The following CDKAL1 variants were observed in gnomAD, a reference collection of about 807,000 sequenced individuals.
The protein encoded by CDKAL1 is CDKAL1 threonylcarbamoyladenosine tRNA methylthiotransferase.
Under a neutral mutation model 68.2 loss-of-function variants are expected in CDKAL1, and 32 were observed. The observed-to-expected ratio is 0.47, with a 90% confidence interval of 0.35 to 0.63. The LOEUF (loss-of-function observed/expected upper bound fraction) is 0.63. CDKAL1 is among the 30% of genes least tolerant of loss of function. The probability of loss-of-function intolerance (pLI) is 0.00; values close to 1 mark genes in which losing one functional copy is unlikely to be tolerated. For synonymous variants in CDKAL1, 234 were observed against 244.3 expected, an observed-to-expected ratio of 0.96 and a Z score of 0.39; for missense variants, 606 against 696.7, an observed-to-expected ratio of 0.87 and a Z score of 1.47.
rs971370123 is a variant in CDKAL1 at position 20,643,058 on chromosome 6, T to C, written c.287-6235T>C. Among the ~76,000 whole-genome samples, 16 of 152,344 alleles carry C rather than the reference T, an allele frequency of 1.1e-4. 2 individuals carry two copies. Among genetic ancestry groups the C allele is most frequent in the Admixed American group, 2.6e-4 (4 of 15,296 alleles). On this transcript the variant is annotated intron_variant, in intron 4 of 15. Transcript: ENST00000274695. Reference sequence around the variant, plus strand: ...TTTGGCATTGGCAATATTTAGCTTATGTGCAGATGGTTTTCAGCTGCATAT... The same window carrying C: ...TTTGGCATTGGCAATATTTAGCTTACGTGCAGATGGTTTTCAGCTGCATAT...
intron 4 of CDKAL1, 34 bp from the exon 5 acceptor site, chr6:20,649,259 A>G (rs777141437): frequency 1.4e-6 from 2 of 1,396,840 alleles, no homozygotes; most frequent in Admixed American, 1.8e-5. Flanking sequence ...TAAGTGTGCT[A>G]CTTACTTCTT....
intron 5 of CDKAL1, among the ~76,000 whole-genome samples, chr6:20,660,826 C>T (rs1769252010): frequency 1.3e-5 from 2 of 152,016 alleles, no homozygotes; most frequent in African/African-American, 4.8e-5. Flanking sequence ...ATCAAGTCAT[C>T]GTTAATATAT....
At chr6:20,592,453 A>G (rs956379538) in intron 4 of CDKAL1, among the ~76,000 whole-genome samples, 1 of 149,126 alleles carries the variant, frequency 6.7e-6, no homozygotes, top group African/African-American at 2.5e-5. Flanking sequence ...GGTTTTTCAA[A>G]GGGAATGCTT....
In CDKAL1 at chr6:21,187,943, GA is replaced by G. The variant is rs957099038; in HGVS notation, c.1300-10070del. Among the ~76,000 whole-genome samples the G allele has an allele frequency of 2.0e-5, 3 of 151,168 alleles. No individual in the cohort carries two copies. The South Asian group carries it at 6.3e-4, about 32-fold the overall frequency. ...TTCATACATATTTTTGCCCATTTGTGAAAAAAAAGGACATTTCCTTATTTTA... is the reference window on the plus strand; with the variant it reads ...TTCATACATATTTTTGCCCATTTGTGAAAAAAAGGACATTTCCTTATTTTA... On this transcript the variant is annotated intron_variant, in intron 13 of 15. Coordinates refer to ENST00000274695, the MANE Select transcript of CDKAL1 (RefSeq NM_017774.3).
chr6:20,790,500 C>G (rs539365649), intron 8 of CDKAL1, among the ~76,000 whole-genome samples: 21 of 152,270 alleles, frequency 1.4e-4, no homozygotes, highest in South Asian at 6.2e-4. Flanking sequence ...GGGCTCCGAA[C>G]TTGGTGACGC....
chr6:21,159,592 G>A (rs938932761), intron 13 of CDKAL1, among the ~76,000 whole-genome samples: 7 of 152,212 alleles, frequency 4.6e-5, no homozygotes, highest in Non-Finnish European at 1.0e-4. Context: ...CCTGGCCTAT[G>A]GTAGATGCTC....
At chr6:21,011,431 T>G (rs1768012813) in intron 11 of CDKAL1, among the ~76,000 whole-genome samples, 1 of 152,044 alleles carries the variant, frequency 6.6e-6, no homozygotes, top group African/African-American at 2.4e-5. Flanking sequence ...GGAAATAAGA[T>G]CAAAATGTCC....
At chr6:20,802,036 AC>A (rs1394807898) in intron 8 of CDKAL1, among the ~76,000 whole-genome samples, 1 of 152,130 alleles carries the variant, frequency 6.6e-6, no homozygotes, top group Non-Finnish European at 1.5e-5. Context: ...GTGGTGGCAA[AC>A]GCCTGTAATC....
chr6:20,738,377 G>A (rs1378540409), intron 5 of CDKAL1, among the ~76,000 whole-genome samples: 1 of 151,864 alleles, frequency 6.6e-6, no homozygotes, highest in African/African-American at 2.4e-5. Flanking sequence ...ATGCATACCC[G>A]AGTGAATAAT....
At chr6:20,797,509 G>GT (rs1776157519) in intron 8 of CDKAL1, among the ~76,000 whole-genome samples, 2 of 152,118 alleles carry the variant, frequency 1.3e-5, no homozygotes, top group South Asian at 4.1e-4. Flanking sequence ...AAATGAAAAC[G>GT]TAAGTTCACC....
chr6:20,829,955 C>T (rs945697323), intron 8 of CDKAL1, among the ~76,000 whole-genome samples: 5 of 152,216 alleles, frequency 3.3e-5, no homozygotes, highest in African/African-American at 1.2e-4. Flanking sequence ...CTCCTGGGTT[C>T]AGGCTATTCT....
At chr6:20,924,541 T>C (rs1371608647) in intron 9 of CDKAL1, among the ~76,000 whole-genome samples, 1 of 152,230 alleles carries the variant, frequency 6.6e-6, no homozygotes, top group Non-Finnish European at 1.5e-5. Context: ...TTATTGCTGA[T>C]ATGAAGAAAG....
At chr6:21,130,554 T>G (rs939212401) in intron 13 of CDKAL1, among the ~76,000 whole-genome samples, 2 of 152,176 alleles carry the variant, frequency 1.3e-5, no homozygotes, top group African/African-American at 4.8e-5. Context: ...AACCCCTGAT[T>G]TGCTCAATTA....
At chr6:20,873,660 C>T (rs1304790146) in intron 9 of CDKAL1, among the ~76,000 whole-genome samples, 3 of 152,184 alleles carry the variant, frequency 2.0e-5, no homozygotes, top group Non-Finnish European at 2.9e-5. Context: ...ATTAGAGATA[C>T]TTGCAGGAGG....
At chr6:20,744,588 G>C (rs911931066) in intron 6 of CDKAL1, among the ~76,000 whole-genome samples, 3 of 152,154 alleles carry the variant, frequency 2.0e-5, no homozygotes, top group Non-Finnish European at 4.4e-5. Flanking sequence ...AGACCACAGT[G>C]AGATCAATTA....
chr6:21,127,928 C>T (rs552648878), intron 13 of CDKAL1, among the ~76,000 whole-genome samples: 2 of 152,196 alleles, frequency 1.3e-5, no homozygotes, highest in African/African-American at 2.4e-5. Context: ...ACCTGGATGA[C>T]CCTGAATAAG....
chr6:20,607,509 AAC>A (rs1235797106), intron 4 of CDKAL1, among the ~76,000 whole-genome samples: 9 of 152,246 alleles, frequency 5.9e-5, no homozygotes, highest in Admixed American at 4.6e-4. Context: ...CAATTTAAAT[AAC>A]ACTATAAAAA....
intron 11 of CDKAL1, among the ~76,000 whole-genome samples, chr6:21,015,547 T>A (rs1768276008): frequency 6.6e-6 from 1 of 152,204 alleles, no homozygotes. Flanking sequence ...AAAAATTATT[T>A]CGTTGTCCAG....
Position 20,765,423 on chromosome 6 carries a change from TGG to T in CDKAL1, c.517+6782_517+6783del, listed in dbSNP as rs1774656169. Among the ~76,000 whole-genome samples the T allele has an allele frequency of 1.3e-5, 2 of 149,754 alleles. 1 individual carries two copies. Among genetic ancestry groups the T allele is most frequent in the Admixed American group, 1.3e-4 (2 of 14,982 alleles). Reference sequence around the variant, plus strand: ...CGCCCGCCTCGGCCTCCCAAAGTGCTGGGATTACAGGCGTGAGCCACCGCGCC... The same window carrying T: ...CGCCCGCCTCGGCCTCCCAAAGTGCTGATTACAGGCGTGAGCCACCGCGCC... On this transcript the variant is annotated intron_variant, in intron 7 of 15. Transcript: ENST00000274695.
Sources: gnomAD v4.1 joint callset for allele counts (sites outside exome capture counted in the v4.1 genomes callset) on GRCh38, gnomAD v4.1.1 for gene constraint, MANE v1.5 for transcripts, NCBI Gene and HGNC (gene_info 2026-07-23, HGNC 2026-07-21) for gene names.